The following ANHX variants were observed in gnomAD, a reference collection of about 807,000 sequenced individuals.
ANHX encodes anomalous homeobox protein.
In ANHX, 20 loss-of-function variants were observed where a neutral mutation model predicts 38.9. The observed-to-expected ratio is 0.51, with a 90% CI of 0.36 to 0.75. The LOEUF is 0.75. ANHX is among the 30% of genes least tolerant of loss of function. The probability of loss-of-function intolerance (pLI) is 0.00; values close to 1 mark genes in which losing one functional copy is unlikely to be tolerated. For missense variants in ANHX, 475 were observed against 493.1 expected (o/e 0.96, Z 0.35); for synonymous variants, 185 against 203.1 (o/e 0.91, Z 0.76).
chr12:133,220,567 A>G (rs757882216), intron 8 of ANHX, among the ~76,000 whole-genome samples: 1 of 152,160 alleles, frequency 6.6e-6, no homozygotes, highest in Non-Finnish European at 1.5e-5. Flanking sequence ...ACCTGGTTGC[A>G]GCTCCCTGAT....
chr12:133,223,445 C>CTTT (rs899014720), intron 7 of ANHX, among the ~76,000 whole-genome samples: 20 of 130,218 alleles, frequency 1.5e-4, no homozygotes, highest in African/African-American at 4.8e-4. Context: ...AGACTTTATT[C>CTTT]TTTTTTTTTT....
chr12:133,223,692 T>C (rs1190038493), intron 7 of ANHX, among the ~76,000 whole-genome samples: 1 of 152,046 alleles, frequency 6.6e-6, no homozygotes, highest in Non-Finnish European at 1.5e-5. Context: ...ATGATCCGCC[T>C]GCCTCAGCCG....
intron 7 of ANHX, among the ~76,000 whole-genome samples, chr12:133,224,930 G>A (rs1395061889): frequency 2.9e-4 from 42 of 144,758 alleles, no homozygotes; most frequent in Admixed American, 9.0e-4. Context: ...TCACGCCACT[G>A]CACTCCAGCC....
At chr12:133,223,847 AC>A (rs966938198) in intron 7 of ANHX, among the ~76,000 whole-genome samples, 19 of 150,758 alleles carry the variant, frequency 1.3e-4, no homozygotes, top group East Asian at 9.7e-4. Flanking sequence ...TTTAAGACCC[AC>A]CCCCCCAAAA....
At chr12:133,226,535 G>C in intron 5 of ANHX, 97 bp from the exon 6 acceptor site, 1 of 1,424,724 alleles carries the variant, frequency 7.0e-7, no homozygotes, top group Non-Finnish European at 9.2e-7. Flanking sequence ...GGAAAAGGCT[G>C]TTGCCATGGG....
intron 4 of ANHX, 90 bp from the exon 5 acceptor site, chr12:133,227,242 A>G (rs1957202488): frequency 7.3e-7 from 1 of 1,366,578 alleles, no homozygotes; most frequent in South Asian, 1.4e-5. Context: ...CATTTACACC[A>G]AGAAAGGGGG....
chr12:133,232,833 C>T (rs944919235), intron 2 of ANHX, among the ~76,000 whole-genome samples: 9 of 152,134 alleles, frequency 5.9e-5, no homozygotes, highest in Non-Finnish European at 1.0e-4. Flanking sequence ...TTCTAGGTGT[C>T]GTGCTGTGTG....
intron 7 of ANHX, among the ~76,000 whole-genome samples, chr12:133,225,119 C>G (rs1452068328): frequency 6.6e-6 from 1 of 152,090 alleles, no homozygotes; most frequent in Admixed American, 6.5e-5. Context: ...GATTTTACAG[C>G]TTCAACGATA....
At chr12:133,219,035 C>T in intron 9 of ANHX, 64 bp from the exon 10 acceptor site, 1 of 1,406,490 alleles carries the variant, frequency 7.1e-7, no homozygotes, top group Non-Finnish European at 9.6e-7. Context: ...TGCCCTCCCA[C>T]CTGGGCACCT....
chr12:133,234,256 T>A lies in ANHX; in HGVS notation c.101A>T (p.Asp34Val), dbSNP rs551427799. The change falls in exon 2 of 10, where the codon GAT becomes GTT. Residue 34 changes from aspartate to valine, a missense_variant. By Grantham distance (152) the Asp-to-Val change is radical. Coordinates refer to ENST00000545940, the MANE Select transcript of ANHX (RefSeq NM_001372060.1). Reference sequence around the variant, plus strand: ...CAAAGGCTGCAGTTGGGCAAGGTCATCCTGGAAGTCCCGGCACAGTCTGCC... The same window carrying A: ...CAAAGGCTGCAGTTGGGCAAGGTCAACCTGGAAGTCCCGGCACAGTCTGCC... ...LAGRLCRDFQ[D>V]DLAQLQPLVT... 3 of 1,536,152 alleles carry A rather than the reference T, an allele frequency of 2.0e-6. No individual in the cohort carries two copies. Among genetic ancestry groups the A allele is most frequent in the Middle Eastern group, 1.7e-4 (1 of 5,990 alleles).
chr12:133,231,229 C>T (rs1957269433), intron 3 of ANHX, among the ~76,000 whole-genome samples: 1 of 152,192 alleles, frequency 6.6e-6, no homozygotes. Flanking sequence ...GGATGCCCAC[C>T]TCCTGGCCTT....
intron 2 of ANHX, among the ~76,000 whole-genome samples, chr12:133,233,036 G>A (rs769658553): frequency 2.6e-5 from 4 of 152,212 alleles, no homozygotes; most frequent in Non-Finnish European, 2.9e-5. Context: ...GTAGAAACCA[G>A]AAGGGTAGGT....
chr12:133,233,613 G>T (rs1460457354), intron 2 of ANHX, among the ~76,000 whole-genome samples: 1 of 152,162 alleles, frequency 6.6e-6, no homozygotes, highest in Non-Finnish European at 1.5e-5. Context: ...ACATTAGTTG[G>T]AACAATAAAC....
chr12:133,224,617 C>A (rs140984505), intron 7 of ANHX, among the ~76,000 whole-genome samples: 1 of 137,892 alleles, frequency 7.3e-6, no homozygotes, highest in East Asian at 2.2e-4. Flanking sequence ...GAGCCGAGAT[C>A]GTGACACTGC....
Position 133,218,657 on chromosome 12 carries a change from C to T in ANHX, c.*228G>A. On this transcript the variant is annotated 3_prime_UTR_variant, in exon 10 of 10. Transcript: ENST00000545940. ...AGTGGGACAGACCCACCTTTGACTT[C>T]TGATCTCACGAACATTTCTCAAATG... 2.5e-6 allele frequency: 1 copy of T among 395,674 alleles called. No individual in the cohort carries two copies. The highest frequency in any genetic ancestry group is 4.5e-6 in the Non-Finnish European group (1 of 221,748). 24.5% of individuals were successfully genotyped at this position (395,674 alleles called of 1,614,324 possible).
At chr12:133,231,057 C>T (rs761800784) in intron 3 of ANHX, among the ~76,000 whole-genome samples, 1 of 152,192 alleles carries the variant, frequency 6.6e-6, no homozygotes, top group Non-Finnish European at 1.5e-5. Flanking sequence ...CTTTGAAAGG[C>T]CTTGCAACCC....
In ANHX at chr12:133,226,872, G is replaced by A. The variant is rs4076220; in HGVS notation, c.718+64C>T. 2.2e-3 allele frequency: 3,173 copies of A among 1,413,942 alleles called. 44 individuals carry two copies. The African/African-American group carries it at 0.035, about 16-fold the overall frequency. 87.6% of individuals were successfully genotyped at this position (1,413,942 alleles called of 1,614,324 possible). A position where few individuals can be genotyped will look rare whatever the true frequency, so the allele number is the denominator to read the frequency against. ...CCCTGTAAGCAGTGTGACTACCTAG[G>A]CCTGGCCCTTGTCAGAAACCAGCTC... On this transcript the variant is annotated intron_variant, in intron 5 of 9. Transcript: ENST00000545940.
intron 7 of ANHX, among the ~76,000 whole-genome samples, chr12:133,225,117 A>G (rs889132919): frequency 6.6e-6 from 1 of 152,178 alleles, no homozygotes; most frequent in Admixed American, 6.5e-5. Flanking sequence ...ATGATTTTAC[A>G]GCTTCAACGA....
At position 133,221,455 on chromosome 12, in the gene ANHX, G is replaced by A. The variant is rs1229486345; in HGVS notation, c.1133-103C>T. ...AGCACGGAGGCGGATGCAGCCTCCG[G>A]CCCAGCCAGCCCGCGCCACGTGAAC... is the stretch of plus-strand genomic sequence containing the variant. On this transcript the variant is annotated intron_variant, in intron 7 of 9. Coordinates refer to ENST00000545940, the MANE Select transcript of ANHX (RefSeq NM_001372060.1). This position sits in a 1 kb window ranked among gnomAD's most constrained non-coding sequence, Gnocchi z 4.1. 7.6e-7 allele frequency: 1 copy of A among 1,308,942 alleles called. No individual in the cohort carries two copies. Among genetic ancestry groups the A allele is most frequent in the African/African-American group, 1.5e-5 (1 of 67,272 alleles). The allele number at this position is 1,308,942 out of a possible 1,614,324, so 81.1% of individuals were successfully genotyped here.
Sources: allele counts gnomAD v4.1 joint callset (sites outside exome capture counted in the v4.1 genomes callset), GRCh38; gene constraint gnomAD v4.1.1; non-coding constraint Gnocchi (gnomAD v3.1); transcripts MANE v1.5; gene names NCBI Gene and HGNC (gene_info 2026-07-23, HGNC 2026-07-21).